Variants in THSD7A observed in about 807,000 individuals in gnomAD.
THSD7A encodes the protein thrombospondin type 1 domain containing 7A.
THSD7A carries 96 observed loss-of-function variants against 231.3 expected under a neutral mutation model. That is an observed-to-expected ratio of 0.41 (90% CI 0.35 to 0.49). The LOEUF is 0.49. Ranked by LOEUF, THSD7A falls within the 20% of genes least tolerant of loss-of-function variation. The pLI is 0.05. For missense variants in THSD7A, 2,290 were observed against 2,070.2 expected (o/e 1.11, Z -2.06); for synonymous variants, 940 against 743.3 (o/e 1.26, Z -4.30).
chr7:11,572,764 C>T (rs1375221174), intron 4 of THSD7A, among the ~76,000 whole-genome samples: 1 of 152,086 alleles, frequency 6.6e-6, no homozygotes, highest in Non-Finnish European at 1.5e-5. Context: ...CCTCAGCCTC[C>T]CAGAGTGCTG....
intron 6 of THSD7A, among the ~76,000 whole-genome samples, chr7:11,497,800 G>A (rs190184952): frequency 6.6e-6 from 1 of 152,192 alleles, no homozygotes; most frequent in East Asian, 1.9e-4. Context: ...GAAACAACCT[G>A]ACTCACAGAG....
rs113786079 is a variant in THSD7A, at chr7:11,379,612, T to C, written c.4590+18A>G. On this transcript the variant is annotated intron_variant, in intron 25 of 27. Coordinates refer to ENST00000423059, the MANE Select transcript of THSD7A (RefSeq NM_015204.3). ...CATGATGGAGCTGGCTTGTCTGCCC[T>C]GATGAATTTTCACATACCTCGCTAC... 7.0e-6 allele frequency: 11 copies of C among 1,566,512 alleles called. No homozygotes were observed. The African/African-American group carries it at 9.5e-5, about 13-fold the overall frequency.
intron 2 of THSD7A, among the ~76,000 whole-genome samples, chr7:11,624,120 A>G (rs1584101800): frequency 6.6e-6 from 1 of 152,056 alleles, no homozygotes; most frequent in Admixed American, 6.6e-5. Flanking sequence ...TTAAATGAAA[A>G]CTGCCAATAT....
chr7:11,398,144 C>G (rs1318959684), intron 23 of THSD7A, among the ~76,000 whole-genome samples: 1 of 152,142 alleles, frequency 6.6e-6, no homozygotes, highest in African/African-American at 2.4e-5. Context: ...CCCAAATGCT[C>G]ATCAATGATA....
At chr7:11,458,540 T>C (rs1785387460) in intron 11 of THSD7A, among the ~76,000 whole-genome samples, 1 of 152,112 alleles carries the variant, frequency 6.6e-6, no homozygotes, top group African/African-American at 2.4e-5. Flanking sequence ...ATGGATAAGA[T>C]TGCTGAGGTA....
At chr7:11,620,106 T>C (rs2128352860) in intron 2 of THSD7A, among the ~76,000 whole-genome samples, 1 of 152,302 alleles carries the variant, frequency 6.6e-6, no homozygotes, top group African/African-American at 2.4e-5. Flanking sequence ...GTTAAGTAAT[T>C]AATAATTTTA....
chr7:11,638,479 T>C (rs1264071820), intron 1 of THSD7A, among the ~76,000 whole-genome samples: 3 of 152,160 alleles, frequency 2.0e-5, no homozygotes, highest in Non-Finnish European at 2.9e-5. Flanking sequence ...TTTTGCTTAA[T>C]GAGAAAGATG....
At chr7:11,559,714 G>C (rs1053761545) in intron 4 of THSD7A, among the ~76,000 whole-genome samples, 1 of 151,880 alleles carries the variant, frequency 6.6e-6, no homozygotes, top group African/African-American at 2.4e-5. Context: ...AACCACTAAC[G>C]GTCACATTAT....
chr7:11,462,207 T>C, intron 9 of THSD7A, 64 bp from the exon 10 acceptor site: 2 of 1,561,672 alleles, frequency 1.3e-6, no homozygotes, highest in Non-Finnish European at 1.7e-6. Flanking sequence ...TAAATACCAG[T>C]CTGTGTGAAG....
chr7:11,684,949 A>G (rs1168749213), intron 1 of THSD7A, among the ~76,000 whole-genome samples: 3 of 152,026 alleles, frequency 2.0e-5, no homozygotes, highest in Non-Finnish European at 4.4e-5. Context: ...AGCTGGAGGC[A>G]TAACATTACT....
chr7:11,773,770 T>TAATTG (rs1442378129), intron 1 of THSD7A, among the ~76,000 whole-genome samples: 1 of 152,074 alleles, frequency 6.6e-6, no homozygotes, highest in Non-Finnish European at 1.5e-5. Context: ...CAAATCAGGG[T>TAATTG]AATTGGGAAT....
chr7:11,563,863 TC>T (rs560506617), intron 4 of THSD7A, among the ~76,000 whole-genome samples: 76 of 152,340 alleles, frequency 5.0e-4, no homozygotes, highest in Middle Eastern at 3.4e-3. Context: ...ATAGATCGCA[TC>T]CTCTTTGCAC....
intron 16 of THSD7A, among the ~76,000 whole-genome samples, chr7:11,418,063 T>C (rs1784020133): frequency 6.6e-6 from 1 of 152,208 alleles, no homozygotes; most frequent in Admixed American, 6.5e-5. Flanking sequence ...AGTTGATTTA[T>C]ATGTGATGAG....
intron 22 of THSD7A, among the ~76,000 whole-genome samples, chr7:11,403,114 A>ACACAG: frequency 6.6e-6 from 1 of 152,298 alleles, no homozygotes; most frequent in Non-Finnish European, 1.5e-5. Flanking sequence ...TCTTCAGAGT[A>ACACAG]CACAGTCAAT....
chr7:11,741,846 T>A (rs1008062337), intron 1 of THSD7A, among the ~76,000 whole-genome samples: 14 of 151,958 alleles, frequency 9.2e-5, no homozygotes, highest in African/African-American at 2.9e-4. Context: ...TAAAACTACC[T>A]TAAGTTTGTA....
chr7:11,817,825 G>C (rs989786198), intron 1 of THSD7A, among the ~76,000 whole-genome samples: 3 of 152,008 alleles, frequency 2.0e-5, no homozygotes, highest in African/African-American at 7.3e-5. Context: ...ACAAAATTAG[G>C]TCAAAATTCA....
intron 4 of THSD7A, among the ~76,000 whole-genome samples, chr7:11,582,543 A>C (rs75407438): frequency 6.6e-6 from 1 of 152,142 alleles, no homozygotes; most frequent in African/African-American, 2.4e-5. Flanking sequence ...ATCTTTAATC[A>C]ATCTTTCTTG....
At chr7:11,541,722 A>G (rs773507996) in intron 5 of THSD7A, 91 bp from the exon 6 acceptor site, 30 of 1,212,036 alleles carry the variant, frequency 2.5e-5, no homozygotes, top group Non-Finnish European at 3.3e-5. Flanking sequence ...AAAGTTGGAT[A>G]AGAGTGGAGG....
At chr7:11,508,030 GGAGA>G (rs571013393) in intron 6 of THSD7A, among the ~76,000 whole-genome samples, 4 of 151,614 alleles carry the variant, frequency 2.6e-5, no homozygotes, top group African/African-American at 9.7e-5. Flanking sequence ...CATGGTGGCA[GGAGA>G]GAGAGAGAGA....
Sources: allele counts gnomAD v4.1 joint callset (sites outside exome capture counted in the v4.1 genomes callset), GRCh38; gene constraint gnomAD v4.1.1; transcripts MANE v1.5; gene names NCBI Gene and HGNC (gene_info 2026-07-23, HGNC 2026-07-21).